The following BNC2 variants were observed in gnomAD, a reference collection of about 807,000 sequenced individuals.
The protein encoded by BNC2 is zinc finger protein basonuclin-2.
Under a neutral mutation model 76.3 loss-of-function variants are expected in BNC2, and 20 were observed. The observed-to-expected ratio is 0.26, with a 90% confidence interval of 0.18 to 0.38. The LOEUF (loss-of-function observed/expected upper bound fraction) is 0.38, where lower values mean the gene tolerates loss of function less well. Among genes scored for constraint, BNC2 ranks in the 10% least tolerant of loss-of-function variants. BNC2 has a pLI of 1.00. For missense variants in BNC2, 1,382 were observed against 1,399.8 expected (o/e 0.99, Z 0.20); for synonymous variants, 582 against 514.8 (o/e 1.13, Z -1.77).
At chr9:16,796,231 G>GT (rs1242907586) in intron 1 of BNC2, among the ~76,000 whole-genome samples, 6 of 152,262 alleles carry the variant, frequency 3.9e-5, no homozygotes, top group Admixed American at 6.5e-5. Flanking sequence ...ACTTTATATA[G>GT]TTTTACATCC....
intron 3 of BNC2, among the ~76,000 whole-genome samples, chr9:16,658,188 G>A (rs1821987257): frequency 2.6e-5 from 4 of 152,250 alleles, no homozygotes; most frequent in Admixed American, 2.6e-4. Flanking sequence ...TGTAGAATGA[G>A]TGAAAATTTT....
chr9:16,684,742 T>C (rs1322014798), intron 3 of BNC2, among the ~76,000 whole-genome samples: 2 of 152,152 alleles, frequency 1.3e-5, no homozygotes, highest in Admixed American at 6.5e-5. Flanking sequence ...CATCTTTGCA[T>C]TGGCACACAC....
intron 1 of BNC2, among the ~76,000 whole-genome samples, chr9:16,788,665 G>A (rs1318154105): frequency 6.6e-6 from 1 of 151,872 alleles, no homozygotes; most frequent in East Asian, 1.9e-4. Flanking sequence ...TGATATGGTA[G>A]GATAAAGAGA....
chr9:16,646,394 G>C (rs1279373303), intron 3 of BNC2, among the ~76,000 whole-genome samples: 1 of 152,108 alleles, frequency 6.6e-6, no homozygotes, highest in Non-Finnish European at 1.5e-5. Context: ...TTTTTAAATG[G>C]CTGTTGTTTA....
chr9:16,765,265 T>C (rs1012885336), intron 1 of BNC2, among the ~76,000 whole-genome samples: 7 of 152,200 alleles, frequency 4.6e-5, no homozygotes, highest in African/African-American at 9.6e-5. Flanking sequence ...TGTAATTTTA[T>C]GAATTGAAAA....
intron 3 of BNC2, among the ~76,000 whole-genome samples, chr9:16,617,673 G>A (rs1425460362): frequency 6.6e-6 from 1 of 152,134 alleles, no homozygotes; most frequent in African/African-American, 2.4e-5. Context: ...TTCACTAATG[G>A]TTTTCTGAAG....
chr9:16,566,490 C>T (rs939622182), intron 4 of BNC2, among the ~76,000 whole-genome samples: 4 of 152,104 alleles, frequency 2.6e-5, no homozygotes, highest in African/African-American at 9.7e-5. Context: ...GCTAGCTAAG[C>T]AGGAATCCTG....
Position 16,811,764 on chromosome 9 carries a change from T to C in BNC2, c.3+58882A>G, listed in dbSNP as rs1424817325. The stretch of plus-strand genomic sequence containing the variant: ...CGCATTTGCCAAGACAACACTAGTG[T>C]TGAAAGGAAAAGAAGAGCCCCTAGT... On this transcript the variant is annotated intron_variant, in intron 1 of 6. Transcript: ENST00000380672. 2.6e-5 allele frequency among the ~76,000 whole-genome samples: 4 copies of C among 151,918 alleles called. No individual in the cohort carries two copies. The South Asian group carries it at 8.3e-4, about 32-fold the overall frequency.
At chr9:16,756,413 A>AGAGAGT (rs1825385526) in intron 1 of BNC2, among the ~76,000 whole-genome samples, 2 of 151,730 alleles carry the variant, frequency 1.3e-5, no homozygotes, top group Non-Finnish European at 2.9e-5. Flanking sequence ...TCTCTCTATT[A>AGAGAGT]CTCTGGTACA....
At chr9:16,423,125 C>A (rs1587009460) in intron 6 of BNC2, among the ~76,000 whole-genome samples, 1 of 152,270 alleles carries the variant, frequency 6.6e-6, no homozygotes, top group East Asian at 1.9e-4. Context: ...ACAATTGGAA[C>A]AAAGAATCCA....
Position 16,565,806 on chromosome 9 carries a change from C to CAA in BNC2, c.434-13043_434-13042dup, listed in dbSNP as rs567073225. 2.1e-3 allele frequency among the ~76,000 whole-genome samples: 253 copies of CAA among 120,898 alleles called. 1 individual carries two copies. The highest frequency in any genetic ancestry group is 7.1e-3 in the African/African-American group (241 of 34,092). The allele number at this position is 120,898 out of a possible 152,430, so 79.3% of individuals were successfully genotyped here. The stretch of plus-strand genomic sequence containing the variant: ...CTAAGCAAAAGAATGAGCCCCATCT[C>CAA]AAAAAAAAAAAAAGCAACAAACAAA... On this transcript the variant is annotated intron_variant, in intron 4 of 6. Coordinates refer to ENST00000380672, the MANE Select transcript of BNC2 (RefSeq NM_017637.6).
chr9:16,630,830 C>T (rs564845750), intron 3 of BNC2, among the ~76,000 whole-genome samples: 8 of 150,362 alleles, frequency 5.3e-5, no homozygotes, highest in South Asian at 2.1e-4. Context: ...ACCTCCGCCT[C>T]CCGGGTTCAA....
intron 3 of BNC2, among the ~76,000 whole-genome samples, chr9:16,687,359 A>G (rs900896015): frequency 5.9e-5 from 9 of 152,180 alleles, no homozygotes; most frequent in Non-Finnish European, 1.3e-4. Flanking sequence ...CTAGGACAAC[A>G]TAAGTAACAA....
chr9:16,691,062 GT>G (rs1823145596), intron 3 of BNC2, among the ~76,000 whole-genome samples: 1 of 152,114 alleles, frequency 6.6e-6, no homozygotes, highest in African/African-American at 2.4e-5. Context: ...GAAATACCTT[GT>G]TTTTATACTG....
intron 1 of BNC2, among the ~76,000 whole-genome samples, chr9:16,843,570 G>T (rs1818887262): frequency 6.6e-6 from 1 of 152,232 alleles, no homozygotes; most frequent in Non-Finnish European, 1.5e-5. Context: ...CTGACCTCAA[G>T]TGATCCACCC....
chr9:16,728,581 G>A (rs887191341), intron 2 of BNC2, among the ~76,000 whole-genome samples: 1 of 151,448 alleles, frequency 6.6e-6, no homozygotes, highest in African/African-American at 2.4e-5. Flanking sequence ...ATATTCAGCT[G>A]TAAGAGAATG....
chr9:16,462,327 C>T (rs371610584), intron 5 of BNC2, among the ~76,000 whole-genome samples: 7 of 152,162 alleles, frequency 4.6e-5, no homozygotes, highest in Non-Finnish European at 7.4e-5. Context: ...AAGAACAGCT[C>T]AGGAGCCATC....
Position 16,620,223 on chromosome 9 carries a change from A to C in BNC2, c.331-37138T>G, listed in dbSNP as rs1820825787. Among the ~76,000 whole-genome samples the C allele has an allele frequency of 2.0e-5, 3 of 152,206 alleles. No individual in the cohort carries two copies. In the South Asian group the frequency reaches 6.2e-4, roughly 31 times the overall value. Reference sequence around the variant, plus strand: ...AAAAAATCATTCTGAATTCCGAGTTAAATAGTGCTGCTTCTGCTTTGGTTT... The same window carrying C: ...AAAAAATCATTCTGAATTCCGAGTTCAATAGTGCTGCTTCTGCTTTGGTTT... On this transcript the variant is annotated intron_variant, in intron 3 of 6. Coordinates refer to ENST00000380672, the MANE Select transcript of BNC2 (RefSeq NM_017637.6).
chr9:16,860,463 TG>T (rs1363958941), intron 1 of BNC2, among the ~76,000 whole-genome samples: 1 of 152,216 alleles, frequency 6.6e-6, no homozygotes, highest in African/African-American at 2.4e-5. Flanking sequence ...CAAATAGTGC[TG>T]GGAACAACAG....
Sources: gnomAD v4.1 joint callset for allele counts (sites outside exome capture counted in the v4.1 genomes callset) on GRCh38, gnomAD v4.1.1 for gene constraint, MANE v1.5 for transcripts, NCBI Gene and HGNC (gene_info 2026-07-23, HGNC 2026-07-21) for gene names.